NREP: variants seen among roughly 807,000 people sequenced by gnomAD.
The protein encoded by NREP is neuronal regeneration related protein.
Under a neutral mutation model 8.6 loss-of-function variants are expected in NREP, and 5 were observed. That is an observed-to-expected ratio of 0.58 (90% CI 0.30 to 1.22). The LOEUF is 1.22. Ranked by LOEUF, NREP falls within the 50% of genes most tolerant of loss-of-function variation. NREP has a pLI of 0.07. For synonymous variants in NREP, 27 were observed against 28.0 expected (o/e 0.96, Z 0.11); for missense variants, 86 against 82.5 (o/e 1.04, Z -0.17).
intron 2 of NREP, among the ~76,000 whole-genome samples, chr5:111,948,294 C>T (rs1308543856): frequency 6.6e-6 from 1 of 152,104 alleles, no homozygotes; most frequent in African/African-American, 2.4e-5. Context: ...CAGCGAACAG[C>T]TGTGGAGAAA....
chr5:111,737,323 T>G (rs573116402), intron 2 of NREP, among the ~76,000 whole-genome samples: 1 of 152,340 alleles, frequency 6.6e-6, no homozygotes, highest in Admixed American at 6.5e-5. Flanking sequence ...ACCCCAAGTT[T>G]GAATCTACTG....
chr5:111,891,070 A>G (rs551359081), intron 2 of NREP, among the ~76,000 whole-genome samples: 3 of 152,304 alleles, frequency 2.0e-5, no homozygotes, highest in Admixed American at 1.3e-4. Flanking sequence ...CCCTTTAAAT[A>G]TAAGTTCCAA....
intron 2 of NREP, among the ~76,000 whole-genome samples, chr5:111,894,542 C>T (rs1022654217): frequency 6.6e-6 from 1 of 151,704 alleles, no homozygotes; most frequent in Non-Finnish European, 1.5e-5. Flanking sequence ...TTTGATCTCT[C>T]GAGTCAAACC....
chr5:111,836,073 C>T (rs1752886798), intron 2 of NREP, among the ~76,000 whole-genome samples: 1 of 152,060 alleles, frequency 6.6e-6, no homozygotes, highest in Admixed American at 6.6e-5. Context: ...GTCCTTCCTC[C>T]CTTCGTTCAT....
intron 2 of NREP, among the ~76,000 whole-genome samples, chr5:111,939,226 A>G (rs1253263860): frequency 6.6e-6 from 1 of 152,034 alleles, no homozygotes; most frequent in Non-Finnish European, 1.5e-5. Flanking sequence ...ATTCCTTTAC[A>G]AGACTCATTA....
chr5:111,829,708 A>G (rs548741711), intron 2 of NREP, among the ~76,000 whole-genome samples: 4 of 152,124 alleles, frequency 2.6e-5, no homozygotes, highest in African/African-American at 7.2e-5. Flanking sequence ...CCTGAACTCA[A>G]TCTTCTGAGC....
intron 2 of NREP, among the ~76,000 whole-genome samples, chr5:111,925,832 G>C (rs1163405727): frequency 2.0e-5 from 3 of 152,140 alleles, no homozygotes; most frequent in African/African-American, 7.2e-5. Context: ...GGTCACTACG[G>C]TCCTAGCCAG....
At chr5:111,823,438 A>G (rs1250409556) in intron 2 of NREP, among the ~76,000 whole-genome samples, 2 of 152,168 alleles carry the variant, frequency 1.3e-5, no homozygotes, top group Non-Finnish European at 2.9e-5. Flanking sequence ...ATTAACCTGA[A>G]TTTTAACTTT....
At chr5:111,857,727 T>A (rs953735935) in intron 2 of NREP, among the ~76,000 whole-genome samples, 1 of 152,194 alleles carries the variant, frequency 6.6e-6, no homozygotes, top group African/African-American at 2.4e-5. Context: ...CACTGCTAGA[T>A]CCCTAGCTTC....
chr5:111,915,971 T>C (rs1755045488), intron 2 of NREP, among the ~76,000 whole-genome samples: 1 of 152,106 alleles, frequency 6.6e-6, no homozygotes, highest in Non-Finnish European at 1.5e-5. Flanking sequence ...AGCTCATTAT[T>C]CATGCCACAA....
intron 2 of NREP, among the ~76,000 whole-genome samples, chr5:111,874,916 G>A (rs565682933): frequency 3.7e-4 from 56 of 152,256 alleles, no homozygotes; most frequent in African/African-American, 1.3e-3. Flanking sequence ...TAGGATATCT[G>A]AAATCACATT....
upstream of NREP, among the ~76,000 whole-genome samples, chr5:111,759,925 T>C (rs1000991008): frequency 1.3e-5 from 2 of 152,206 alleles, no homozygotes; most frequent in African/African-American, 4.8e-5. Context: ...TTTGCCACAG[T>C]GTGACTATAG....
chr5:111,904,430 A>C (rs1754725793), intron 2 of NREP, among the ~76,000 whole-genome samples: 1 of 151,906 alleles, frequency 6.6e-6, no homozygotes, highest in African/African-American at 2.4e-5. Context: ...TTCTTCCCAA[A>C]CCCCTGACAA....
chr5:111,786,537 C>T (rs1751615530), intron 2 of NREP, among the ~76,000 whole-genome samples: 1 of 152,224 alleles, frequency 6.6e-6, no homozygotes, highest in Admixed American at 6.5e-5. Flanking sequence ...TATTATTTTT[C>T]TTTTTCTTCT....
chr5:111,848,362 T>C (rs903627876), intron 2 of NREP, among the ~76,000 whole-genome samples: 1 of 152,192 alleles, frequency 6.6e-6, no homozygotes, highest in African/African-American at 2.4e-5. Flanking sequence ...TTCAAATTAG[T>C]GCAGATTTCA....
At chr5:111,826,779 C>A (rs1752638373) in intron 2 of NREP, among the ~76,000 whole-genome samples, 1 of 152,204 alleles carries the variant, frequency 6.6e-6, no homozygotes, top group Non-Finnish European at 1.5e-5. Context: ...AAGTGATCCA[C>A]CTGTCTTGGC....
In NREP at chr5:111,779,187, C is replaced by G. The variant is rs994308918; in HGVS notation, c.136-43680G>C. Among the ~76,000 whole-genome samples, 85 of 152,244 alleles carry G rather than the reference C, an allele frequency of 5.6e-4. 2 individuals carry two copies. The highest frequency in any genetic ancestry group is 1.9e-3 in the African/African-American group (79 of 41,552). ...TCACTTGGCTACAAACTAGCTGATG[C>G]ATTAAGATAAGCTTATTGCTGTGTT... On this transcript the variant is annotated intron_variant, in intron 2 of 3. Coordinates refer to the NREP transcript ENST00000395634.
chr5:111,933,258 G>A (rs1021503182), intron 2 of NREP, among the ~76,000 whole-genome samples: 6 of 151,998 alleles, frequency 3.9e-5, no homozygotes, highest in South Asian at 2.1e-4. Context: ...TCTGCCACCC[G>A]GGAAAGGAGG....
chr5:111,886,158 A>G (rs1085212), intron 2 of NREP, among the ~76,000 whole-genome samples: 150,257 of 152,186 alleles, frequency 0.99, 74,208 homozygotes, highest in East Asian at 1. Context: ...AAAAGTGGGC[A>G]AAGGACATGA....
Sources: gnomAD v4.1 joint callset for allele counts (sites outside exome capture counted in the v4.1 genomes callset) on GRCh38, gnomAD v4.1.1 for gene constraint, MANE v1.5 for transcripts, NCBI Gene and HGNC (gene_info 2026-07-23, HGNC 2026-07-21) for gene names.